The following SPAG6 variants were observed in gnomAD, a reference collection of about 807,000 sequenced individuals.
SPAG6 encodes the protein sperm associated antigen 6.
A neutral mutation model predicts 58.5 loss-of-function variants in SPAG6; 49 were observed. The observed-to-expected ratio is 0.84, with a 90% CI of 0.67 to 1.06. SPAG6 has a LOEUF of 1.06. Ranked by LOEUF, SPAG6 falls within the 50% of genes least tolerant of loss-of-function variation. The probability of loss-of-function intolerance (pLI) is 0.00; values close to 1 mark genes in which losing one functional copy is unlikely to be tolerated. For synonymous variants in SPAG6, 233 were observed against 225.6 expected, an observed-to-expected ratio of 1.03 and a Z score of -0.29; for missense variants, 560 against 611.3, an observed-to-expected ratio of 0.92 and a Z score of 0.89.
chr10:22,392,385 A>G (rs1215741764), intron 8 of SPAG6, among the ~76,000 whole-genome samples: 2 of 152,066 alleles, frequency 1.3e-5, no homozygotes, highest in African/African-American at 2.4e-5. Context: ...TATATGTCTT[A>G]TATTTGTTTC....
At chr10:22,392,640 G>A (rs965896400) in intron 8 of SPAG6, among the ~76,000 whole-genome samples, 1 of 151,828 alleles carries the variant, frequency 6.6e-6, no homozygotes, top group Admixed American at 6.6e-5. Flanking sequence ...TTGGTTTGAG[G>A]GAAGTTCACA....
chr10:22,391,491 A>G (rs915577886), intron 7 of SPAG6, among the ~76,000 whole-genome samples: 4 of 152,178 alleles, frequency 2.6e-5, no homozygotes, highest in Non-Finnish European at 2.9e-5. Context: ...TTTGGGGGGT[A>G]AAAGCTAGTA....
intron 8 of SPAG6, among the ~76,000 whole-genome samples, chr10:22,393,164 T>C (rs969360738): frequency 1.3e-5 from 2 of 152,170 alleles, no homozygotes; most frequent in Admixed American, 1.3e-4. Context: ...TATACGTGTA[T>C]ATAATTGTAA....
At chr10:22,348,727 T>C (rs535865385) in intron 2 of SPAG6, among the ~76,000 whole-genome samples, 1 of 152,362 alleles carries the variant, frequency 6.6e-6, no homozygotes, top group African/African-American at 2.4e-5. Flanking sequence ...TATACACTAA[T>C]AAGAGAATTT....
rs1407359183 is a variant in SPAG6 at position 22,416,859 on chromosome 10, T to C, written c.*171T>C. The C allele has an allele frequency of 6.1e-6, 3 of 489,820 alleles. No individual in the cohort carries two copies. The highest frequency in any genetic ancestry group is 1.9e-5 in the African/African-American group (1 of 51,646). 30.3% of individuals were successfully genotyped at this position (489,820 alleles called of 1,614,324 possible). On this transcript the variant is annotated 3_prime_UTR_variant, in exon 11 of 11. Transcript: ENST00000376624. Reference sequence around the variant, plus strand: ...ACTTTAAACATTCGTAGCTTGAATATGTGAGGAACTATTCATGGTCATTCG... The same window carrying C: ...ACTTTAAACATTCGTAGCTTGAATACGTGAGGAACTATTCATGGTCATTCG...
chr10:22,365,302 G>A (rs1025527363), intron 3 of SPAG6, among the ~76,000 whole-genome samples: 4 of 152,082 alleles, frequency 2.6e-5, no homozygotes, highest in African/African-American at 4.8e-5. Context: ...CAAAGCTATC[G>A]GATCTGTCTT....
chr10:22,356,018 A>T (rs967783303), intron 2 of SPAG6, among the ~76,000 whole-genome samples: 1 of 152,240 alleles, frequency 6.6e-6, no homozygotes. Context: ...GTATAATTAG[A>T]CTTACACTGT....
rs533421382 is a variant in SPAG6, at chr10:22,364,830, T to C, written c.122-23T>C. The C allele has an allele frequency of 8.9e-6, 14 of 1,577,254 alleles. No homozygotes were observed. In the East Asian group the frequency reaches 2.7e-4, roughly 30 times the overall value. On this transcript the variant is annotated intron_variant, in intron 2 of 10. Coordinates refer to ENST00000376624, the MANE Select transcript of SPAG6 (RefSeq NM_012443.4). ...TTTTAATTTAAATTTTCCTGATTTC[T>C]GTTCTTTCATAATTTAACTCAGGTG... is the stretch of plus-strand genomic sequence containing the variant.
In SPAG6 at chr10:22,386,913, T is replaced by A. The variant is rs1834078140; in HGVS notation, c.632T>A (p.Val211Asp). ...LAQTVVDAGA[V>D]AHLAQMILNP... ...CAGACAGTAGTGGATGCAGGAGCTGTTGCTCATTTAGCCCAGATGATCCTG... is the reference window on the plus strand; with the variant it reads ...CAGACAGTAGTGGATGCAGGAGCTGATGCTCATTTAGCCCAGATGATCCTG... Residue 211 changes from valine to aspartate, a missense_variant, in exon 5 of 11, where the codon GTT becomes GAT. Coordinates refer to ENST00000376624, the MANE Select transcript of SPAG6 (RefSeq NM_012443.4). 6.2e-7 allele frequency: 1 copy of A among 1,613,756 alleles called. No individual in the cohort carries two copies. The highest frequency in any genetic ancestry group is 1.3e-5 in the African/African-American group (1 of 74,900).
At position 22,408,950 on chromosome 10, in the gene SPAG6, C is replaced by T. The variant is rs982632441; in HGVS notation, c.1315-2081C>T. Among the ~76,000 whole-genome samples, 6 of 152,216 alleles carry T rather than the reference C, an allele frequency of 3.9e-5. No homozygotes were observed. The South Asian group carries it at 8.3e-4, about 21-fold the overall frequency. On this transcript the variant is annotated intron_variant, in intron 9 of 10. Transcript: ENST00000376624. Reference sequence around the variant, plus strand: ...TTGACTAGGAAAGGGAACTCCCTGACCCCTTGCGCTTCCCGAGTGAGGCAA... The same window carrying T: ...TTGACTAGGAAAGGGAACTCCCTGATCCCTTGCGCTTCCCGAGTGAGGCAA...
intron 4 of SPAG6, among the ~76,000 whole-genome samples, chr10:22,383,817 GT>G (rs1834010220): frequency 6.6e-6 from 1 of 152,130 alleles, no homozygotes; most frequent in Non-Finnish European, 1.5e-5. Flanking sequence ...TCTGAGCAGG[GT>G]TTTCTAGAAC....
At chr10:22,367,564 G>A (rs940721874) in intron 3 of SPAG6, among the ~76,000 whole-genome samples, 1 of 152,034 alleles carries the variant, frequency 6.6e-6, no homozygotes, top group African/African-American at 2.4e-5. Context: ...TCACTGTGAA[G>A]AAATAGAAAC....
chr10:22,367,240 C>T (rs1837225660), intron 3 of SPAG6, among the ~76,000 whole-genome samples: 1 of 151,758 alleles, frequency 6.6e-6, no homozygotes, highest in Admixed American at 6.6e-5. Flanking sequence ...ACCATTTTTT[C>T]CCCACATTTG....
At chr10:22,401,612 A>C (rs949231556) in intron 9 of SPAG6, among the ~76,000 whole-genome samples, 5 of 152,218 alleles carry the variant, frequency 3.3e-5, no homozygotes, top group African/African-American at 4.8e-5. Flanking sequence ...TATGGCAAAG[A>C]TCATAAAGAG....
chr10:22,415,494 C>T (rs1021096879), intron 10 of SPAG6, among the ~76,000 whole-genome samples: 16 of 151,948 alleles, frequency 1.1e-4, no homozygotes, highest in African/African-American at 3.6e-4. Flanking sequence ...ACAATTTTTT[C>T]AAGAGTAAGA....
intron 4 of SPAG6, among the ~76,000 whole-genome samples, chr10:22,378,189 G>A (rs1227655565): frequency 6.6e-6 from 1 of 150,572 alleles, no homozygotes; most frequent in Non-Finnish European, 1.5e-5. Flanking sequence ...TCAGCCTCTC[G>A]AGTAGCTGGG....
intron 4 of SPAG6, among the ~76,000 whole-genome samples, chr10:22,385,803 A>G (rs1834051227): frequency 1.3e-5 from 2 of 152,196 alleles, no homozygotes; most frequent in Admixed American, 1.3e-4. Context: ...CAGTTAAGAC[A>G]TTTATATATA....
At chr10:22,410,959 G>A in intron 9 of SPAG6, 72 bp from the exon 10 acceptor site, 4 of 1,469,562 alleles carry the variant, frequency 2.7e-6, no homozygotes, top group Non-Finnish European at 2.8e-6. Context: ...CTCACATACA[G>A]TATTGCTTTT....
At chr10:22,411,994 G>A (rs1423146709) in intron 10 of SPAG6, among the ~76,000 whole-genome samples, 2 of 151,782 alleles carry the variant, frequency 1.3e-5, no homozygotes, top group East Asian at 1.9e-4. Flanking sequence ...TACTACAGAC[G>A]CCCGCCATCA....
Sources: gnomAD v4.1 joint callset for allele counts (sites outside exome capture counted in the v4.1 genomes callset) on GRCh38, gnomAD v4.1.1 for gene constraint, MANE v1.5 for transcripts, NCBI Gene and HGNC (gene_info 2026-07-23, HGNC 2026-07-21) for gene names.